Variants in DDR2 observed in about 807,000 individuals in gnomAD.
The protein encoded by DDR2 is discoidin domain-containing receptor 2.
In DDR2, 27 loss-of-function variants were observed where a neutral mutation model predicts 94.9. The observed-to-expected ratio is 0.28, with a 90% confidence interval of 0.21 to 0.39. DDR2 has a LOEUF of 0.39. DDR2 is among the 10% of genes least tolerant of loss of function. The probability of loss-of-function intolerance (pLI) is 1.00; values close to 1 mark genes in which losing one functional copy is unlikely to be tolerated. For synonymous variants in DDR2, 382 were observed against 377.2 expected (o/e 1.01, Z -0.15); for missense variants, 783 against 1,076.0 (o/e 0.73, Z 3.81).
intron 2 of DDR2, among the ~76,000 whole-genome samples, chr1:162,715,169 C>A (rs1276727554): frequency 1.3e-5 from 2 of 152,238 alleles, no homozygotes; most frequent in African/African-American, 4.8e-5. Flanking sequence ...TGGCTCAAGG[C>A]AATCATTAAT....
chr1:162,746,268 C>A (rs1347454040), intron 3 of DDR2, among the ~76,000 whole-genome samples: 1 of 152,186 alleles, frequency 6.6e-6, no homozygotes, highest in African/African-American at 2.4e-5. Context: ...ACACTCCCAG[C>A]CTAATACTGC....
intron 8 of DDR2, among the ~76,000 whole-genome samples, chr1:162,760,212 A>C (rs1484659358): frequency 6.6e-6 from 1 of 152,104 alleles, no homozygotes; most frequent in Non-Finnish European, 1.5e-5. Flanking sequence ...TTGTTTTGAC[A>C]CTAAAGGTGA....
chr1:162,698,127 C>T (rs1473958861), intron 2 of DDR2, among the ~76,000 whole-genome samples: 10 of 152,158 alleles, frequency 6.6e-5, no homozygotes, highest in Non-Finnish European at 2.9e-5. Context: ...TGTCTTAGAA[C>T]ACTTTGCTGA....
At chr1:162,633,121 T>A (rs1656639642) in intron 1 of DDR2, among the ~76,000 whole-genome samples, 1 of 152,052 alleles carries the variant, frequency 6.6e-6, no homozygotes, top group East Asian at 1.9e-4. Context: ...AAGGGTAACT[T>A]TGGATGAGGG....
chr1:162,641,350 C>T (rs904755477), intron 1 of DDR2, among the ~76,000 whole-genome samples: 2 of 152,224 alleles, frequency 1.3e-5, no homozygotes, highest in Admixed American at 6.5e-5. Flanking sequence ...TCACCCTGTC[C>T]CCATACTCTC....
At chr1:162,663,604 G>C (rs1304213567) in intron 2 of DDR2, among the ~76,000 whole-genome samples, 3 of 152,138 alleles carry the variant, frequency 2.0e-5, no homozygotes, top group African/African-American at 7.2e-5. Context: ...TGAGGGTGGA[G>C]AGTCTTGTTA....
intron 9 of DDR2, among the ~76,000 whole-genome samples, chr1:162,765,283 T>C (rs1663935924): frequency 6.6e-6 from 1 of 152,044 alleles, no homozygotes; most frequent in Non-Finnish European, 1.5e-5. Context: ...CGAAAGCACA[T>C]GCAGAGGCCA....
intron 7 of DDR2, among the ~76,000 whole-genome samples, chr1:162,758,877 G>A (rs1663581637): frequency 1.3e-5 from 2 of 152,294 alleles, no homozygotes; most frequent in South Asian, 4.1e-4. Context: ...GAGATGCAGA[G>A]CTTGAGGAAA....
chr1:162,774,508 T>A (rs1367240186), intron 14 of DDR2, among the ~76,000 whole-genome samples: 2 of 152,188 alleles, frequency 1.3e-5, no homozygotes, highest in Non-Finnish European at 2.9e-5. Context: ...GAAATGAAAC[T>A]GGAGGCTTTA....
chr1:162,727,706 G>A (rs1571251079), intron 3 of DDR2, among the ~76,000 whole-genome samples: 1 of 146,568 alleles, frequency 6.8e-6, no homozygotes, highest in Admixed American at 6.8e-5. Flanking sequence ...CACTACACCA[G>A]AGACAAAGAC....
intron 2 of DDR2, among the ~76,000 whole-genome samples, chr1:162,693,637 G>A (rs1308629998): frequency 6.6e-6 from 1 of 152,188 alleles, no homozygotes; most frequent in African/African-American, 2.4e-5. Context: ...TAGGGGATAA[G>A]AGGATAAAGA....
intron 1 of DDR2, among the ~76,000 whole-genome samples, chr1:162,645,778 C>T (rs1291799325): frequency 1.3e-5 from 2 of 152,120 alleles, no homozygotes; most frequent in African/African-American, 4.8e-5. Flanking sequence ...TATGAGGTGT[C>T]ATTTGATAAT....
At chr1:162,696,996 G>A (rs565498030) in intron 2 of DDR2, among the ~76,000 whole-genome samples, 2 of 152,066 alleles carry the variant, frequency 1.3e-5, no homozygotes, top group South Asian at 2.1e-4. Flanking sequence ...CCTCTCCGTG[G>A]GCCTCCATGC....
chr1:162,696,274 A>T lies in DDR2; in HGVS notation c.-27-22763A>T, dbSNP rs1046850686. Among the ~76,000 whole-genome samples the T allele has an allele frequency of 8.6e-5, 13 of 150,804 alleles. No homozygotes were observed. The East Asian group carries it at 2.2e-3, about 25-fold the overall frequency. Reference sequence around the variant, plus strand: ...TCACCAAACAAGGGTTCATAAAAGGATCGTCTCTAAATTGTGAGTGTGGTG... The same window carrying T: ...TCACCAAACAAGGGTTCATAAAAGGTTCGTCTCTAAATTGTGAGTGTGGTG... On this transcript the variant is annotated intron_variant, in intron 2 of 17. Transcript: ENST00000367921.
rs546430114 is a variant in DDR2, at chr1:162,724,365, A to G, written c.82+5220A>G. On this transcript the variant is annotated intron_variant, in intron 3 of 17. Transcript: ENST00000367921. Reference sequence around the variant, plus strand: ...ATGAGATGTAATTGAGATTTGAGGGACAGCCTGAGGCCAAAGAATGGAGTC... The same window carrying G: ...ATGAGATGTAATTGAGATTTGAGGGGCAGCCTGAGGCCAAAGAATGGAGTC... Among the ~76,000 whole-genome samples the G allele has an allele frequency of 8.9e-4, 135 of 152,280 alleles. 3 individuals carry two copies. In the South Asian group the frequency reaches 0.027, roughly 31 times the overall value.
chr1:162,770,533 A>C, intron 12 of DDR2, 21 bp downstream of exon 12: 2 of 1,609,944 alleles, frequency 1.2e-6, no homozygotes, highest in South Asian at 2.2e-5. Context: ...TGTGGTGGGC[A>C]GGGTGTCAAG....
chr1:162,719,711 A>T (rs1661333154), intron 3 of DDR2, among the ~76,000 whole-genome samples: 1 of 152,222 alleles, frequency 6.6e-6, no homozygotes, highest in African/African-American at 2.4e-5. Flanking sequence ...GGAAGTAAAT[A>T]ATTGTATTAT....
At chr1:162,753,638 A>C (rs1217236816) in intron 4 of DDR2, among the ~76,000 whole-genome samples, 1 of 152,136 alleles carries the variant, frequency 6.6e-6, no homozygotes, top group Non-Finnish European at 1.5e-5. Flanking sequence ...ACTGCCAAGC[A>C]TCAAGACACT....
intron 2 of DDR2, among the ~76,000 whole-genome samples, chr1:162,688,849 A>G (rs1293598340): frequency 6.6e-6 from 1 of 152,142 alleles, no homozygotes. Flanking sequence ...GTCCCTTGGC[A>G]CCTGCCAGTC....
Sources: allele counts gnomAD v4.1 joint callset (sites outside exome capture counted in the v4.1 genomes callset), GRCh38; gene constraint gnomAD v4.1.1; transcripts MANE v1.5; gene names NCBI Gene and HGNC (gene_info 2026-07-23, HGNC 2026-07-21).